The following ADAMTS19 variants were observed in gnomAD, a reference collection of about 807,000 sequenced individuals.
ADAMTS19 encodes A disintegrin and metalloproteinase with thrombospondin motifs 19.
A neutral mutation model predicts 153.3 loss-of-function variants in ADAMTS19; 93 were observed. The ratio of observed to expected loss-of-function variants is 0.61; its 90% CI spans 0.51 to 0.72. The LOEUF (loss-of-function observed/expected upper bound fraction) is 0.72, where lower values mean the gene tolerates loss of function less well. ADAMTS19 is among the 30% of genes least tolerant of loss of function. The pLI, the probability that ADAMTS19 is intolerant of heterozygous loss-of-function variation, is 0.00. For synonymous variants in ADAMTS19, 600 were observed against 556.6 expected (o/e 1.08, Z -1.10); for missense variants, 1,482 against 1,552.1 (o/e 0.95, Z 0.76).
intron 16 of ADAMTS19, among the ~76,000 whole-genome samples, chr5:129,666,060 G>C (rs946197793): frequency 5.3e-5 from 8 of 151,154 alleles, no homozygotes; most frequent in African/African-American, 1.9e-4. Context: ...TAAAGGACTT[G>C]ATTTTTTAAT....
chr5:129,531,971 G>A (rs900099120), intron 6 of ADAMTS19, among the ~76,000 whole-genome samples: 17 of 151,726 alleles, frequency 1.1e-4, no homozygotes, highest in Admixed American at 3.3e-4. Flanking sequence ...ACACCTTTGC[G>A]AAAAAAATGA....
At chr5:129,520,881 T>G (rs1425935467) in intron 3 of ADAMTS19, among the ~76,000 whole-genome samples, 2 of 152,162 alleles carry the variant, frequency 1.3e-5, no homozygotes, top group African/African-American at 4.8e-5. Context: ...CTCACCTTTT[T>G]TCTATCTCCT....
chr5:129,472,046 T>A (rs1270057936), intron 2 of ADAMTS19, among the ~76,000 whole-genome samples: 2 of 152,230 alleles, frequency 1.3e-5, no homozygotes, highest in Non-Finnish European at 2.9e-5. Flanking sequence ...TAGAACAATT[T>A]GTATTGCTTT....
Position 129,648,984 on chromosome 5 carries a change from G to A in ADAMTS19, c.2176+14G>A, listed in dbSNP as rs1271866655. ...TCCTGGATGAAGGTATGACCAACCA[G>A]ATCACCACCATCTTTGTTAACTAGA... is the stretch of plus-strand genomic sequence containing the variant. On this transcript the variant is annotated intron_variant, in intron 13 of 22. Transcript: ENST00000274487. 3.8e-6 allele frequency: 6 copies of A among 1,562,868 alleles called. No individual in the cohort carries two copies. The highest frequency in any genetic ancestry group is 5.2e-6 in the Non-Finnish European group (6 of 1,146,128).
At chr5:129,681,551 T>C (rs1754813100) in intron 17 of ADAMTS19, among the ~76,000 whole-genome samples, 1 of 152,096 alleles carries the variant, frequency 6.6e-6, no homozygotes, top group South Asian at 2.1e-4. Flanking sequence ...AGTTTACAGA[T>C]TAAAAAGAAT....
chr5:129,709,918 G>A (rs1451212480), intron 21 of ADAMTS19, among the ~76,000 whole-genome samples: 1 of 151,284 alleles, frequency 6.6e-6, no homozygotes, highest in Non-Finnish European at 1.5e-5. Flanking sequence ...TTAATAGGCT[G>A]TAGGCTCATA....
intron 21 of ADAMTS19, among the ~76,000 whole-genome samples, chr5:129,727,187 C>G (rs779409771): frequency 1.3e-5 from 2 of 152,156 alleles, no homozygotes; most frequent in Non-Finnish European, 2.9e-5. Flanking sequence ...AATACATGAT[C>G]TGTCAGTAGG....
intron 11 of ADAMTS19, among the ~76,000 whole-genome samples, chr5:129,643,948 G>A (rs987138192): frequency 9.2e-5 from 14 of 152,166 alleles, no homozygotes; most frequent in East Asian, 1.9e-4. Context: ...AACATACTGC[G>A]ATGAGCCCTC....
intron 6 of ADAMTS19, among the ~76,000 whole-genome samples, chr5:129,544,446 T>C (rs984699256): frequency 1.1e-4 from 16 of 152,216 alleles, no homozygotes; most frequent in Non-Finnish European, 1.6e-4. Flanking sequence ...TGTATCATTT[T>C]ACTGCACTTC....
chr5:129,590,479 T>C (rs1456104313), intron 7 of ADAMTS19, among the ~76,000 whole-genome samples: 1 of 152,198 alleles, frequency 6.6e-6, no homozygotes, highest in African/African-American at 2.4e-5. Flanking sequence ...ATAACTTTTA[T>C]TACACTCACT....
chr5:129,701,030 T>C (rs1376471713), intron 19 of ADAMTS19, among the ~76,000 whole-genome samples: 7 of 152,014 alleles, frequency 4.6e-5, no homozygotes, highest in African/African-American at 1.5e-4. Context: ...CTTCCATGAT[T>C]CCCATGTCAT....
chr5:129,564,391 G>A (rs1753632225), intron 7 of ADAMTS19, among the ~76,000 whole-genome samples: 1 of 152,128 alleles, frequency 6.6e-6, no homozygotes, highest in South Asian at 2.1e-4. Context: ...TCTGACTAAA[G>A]GATGCATATT....
Position 129,460,347 on chromosome 5 carries a change from TG to T in ADAMTS19, c.-43del. The T allele has an allele frequency of 6.6e-7, 1 of 1,506,598 alleles. No individual in the cohort carries two copies. Among genetic ancestry groups the T allele is most frequent in the Non-Finnish European group, 9.0e-7 (1 of 1,106,292 alleles). The allele number at this position is 1,506,598 out of a possible 1,614,324, so 93.3% of individuals were successfully genotyped here. A position where few individuals can be genotyped will look rare whatever the true frequency, so the allele number is the denominator to read the frequency against. On this transcript the variant is annotated 5_prime_UTR_variant, in exon 1 of 23. Coordinates refer to ENST00000274487, the MANE Select transcript of ADAMTS19 (RefSeq NM_133638.6). ...CGCTGCGCCCCGGAGTGGATCGCGC[TG>T]GAGGCGTGCGCCGGGCGAGAAGCCG...
chr5:129,614,169 C>T (rs917431793), intron 8 of ADAMTS19, among the ~76,000 whole-genome samples: 1 of 152,098 alleles, frequency 6.6e-6, no homozygotes, highest in African/African-American at 2.4e-5. Flanking sequence ...AGAGGGAATC[C>T]TCCCTAACTC....
At chr5:129,489,027 T>C (rs557846996) in intron 2 of ADAMTS19, among the ~76,000 whole-genome samples, 1 of 152,264 alleles carries the variant, frequency 6.6e-6, no homozygotes, top group African/African-American at 2.4e-5. Flanking sequence ...TTATCTTTTA[T>C]GAGAATAAGA....
chr5:129,702,939 A>ATATATAT (rs1256800089), intron 20 of ADAMTS19, among the ~76,000 whole-genome samples: 7 of 14,218 alleles, frequency 4.9e-4, no homozygotes, highest in African/African-American at 1.2e-3. Flanking sequence ...CAAAAAAAAA[A>ATATATAT]AAATATATAT....
In ADAMTS19 at chr5:129,530,817, GA is replaced by G. The variant is rs762745159; in HGVS notation, c.1328+2152del. On this transcript the variant is annotated intron_variant, in intron 6 of 22. Coordinates refer to ENST00000274487, the MANE Select transcript of ADAMTS19 (RefSeq NM_133638.6). Reference sequence around the variant, plus strand: ...GATCATAACCAGTGCAGTAAAGCAGGAAAAAAAAAAAAGGAAAAGCATACAT... The same window carrying G: ...GATCATAACCAGTGCAGTAAAGCAGGAAAAAAAAAAAGGAAAAGCATACAT... Among the ~76,000 whole-genome samples the G allele has an allele frequency of 7.0e-3, 913 of 130,144 alleles. 7 individuals are homozygous for G. The highest frequency in any genetic ancestry group is 0.019 in the African/African-American group (690 of 35,768). The allele number at this position is 130,144 out of a possible 152,430, so 85.4% of individuals were successfully genotyped here.
At chr5:129,719,799 G>C (rs1344056760) in intron 21 of ADAMTS19, among the ~76,000 whole-genome samples, 1 of 152,134 alleles carries the variant, frequency 6.6e-6, no homozygotes. Flanking sequence ...CCAGGACTTT[G>C]GGAGGCCGAG....
chr5:129,636,452 T>C (rs1477203049), intron 10 of ADAMTS19, among the ~76,000 whole-genome samples: 1 of 152,220 alleles, frequency 6.6e-6, no homozygotes, highest in Non-Finnish European at 1.5e-5. Context: ...ATATAGATAT[T>C]AACAGTTCTC....
Sources: gnomAD v4.1 joint callset for allele counts (sites outside exome capture counted in the v4.1 genomes callset) on GRCh38, gnomAD v4.1.1 for gene constraint, MANE v1.5 for transcripts, NCBI Gene and HGNC (gene_info 2026-07-23, HGNC 2026-07-21) for gene names.